The following SMC5 variants were observed in gnomAD, a reference collection of about 807,000 sequenced individuals.
SMC5 encodes structural maintenance of chromosomes 5.
Under a neutral mutation model 148.3 loss-of-function variants are expected in SMC5, and 88 were observed. That is an observed-to-expected ratio of 0.59 (90% confidence interval 0.50 to 0.71). SMC5 has a LOEUF of 0.71. Among genes scored for constraint, SMC5 ranks in the 30% least tolerant of loss-of-function variants. SMC5 has a pLI of 0.00. For missense variants in SMC5, 1,142 were observed against 1,298.9 expected, an observed-to-expected ratio of 0.88 and a Z score of 1.86; for synonymous variants, 421 against 432.8, an observed-to-expected ratio of 0.97 and a Z score of 0.34.
intron 7 of SMC5, among the ~76,000 whole-genome samples, chr9:70,283,674 G>T (rs1483444491): frequency 6.6e-6 from 1 of 152,100 alleles, no homozygotes; most frequent in East Asian, 1.9e-4. Flanking sequence ...TTGAAGATGG[G>T]TGTCAGTGAT....
chr9:70,259,370 T>G, intron 1 of SMC5, 107 bp downstream of exon 1: 1 of 1,217,038 alleles, frequency 8.2e-7, no homozygotes, highest in Non-Finnish European at 1.1e-6. Flanking sequence ...ACCTGGCTTG[T>G]GGGTCTGGCC....
intron 10 of SMC5, among the ~76,000 whole-genome samples, chr9:70,301,931 A>G (rs2035367635): frequency 6.6e-6 from 1 of 152,228 alleles, no homozygotes; most frequent in African/African-American, 2.4e-5. Context: ...CGTCTCCTAT[A>G]TCTACCTATC....
chr9:70,268,591 T>G (rs768351829), intron 3 of SMC5, among the ~76,000 whole-genome samples: 1 of 151,970 alleles, frequency 6.6e-6, no homozygotes, highest in African/African-American at 2.4e-5. Context: ...TTTCACAAAT[T>G]TAAAGTATCT....
Position 70,278,493 on chromosome 9 carries a change from C to G in SMC5, c.546C>G (p.Asp182Glu). The G allele has an allele frequency of 6.2e-7, 1 of 1,602,316 alleles. No individual in the cohort carries two copies. The highest frequency in any genetic ancestry group is 2.2e-5 in the East Asian group (1 of 44,534). Residue 182 changes from aspartate to glutamate, a missense_variant and splice_region_variant, in exon 5 of 25, where the codon GAC becomes GAG. Asp to Glu is a conservative substitution (Grantham distance 45). This residue lies in a region of SMC5 where 297 missense variants were observed against 302.6 expected (regional missense o/e 0.98). Coordinates refer to ENST00000361138, the MANE Select transcript of SMC5 (RefSeq NM_015110.4). The stretch of plus-strand genomic sequence containing the variant: ...GATATTTAATTTTTGTGCTCTAGGA[C>G]AAAGTTGGAGAATTTGCTAAACTCA... ...VGNLCQFLPQDKVGEFAKLSK... is the reference protein window; with the variant it reads ...VGNLCQFLPQEKVGEFAKLSK...
Position 70,281,133 on chromosome 9 carries a change from G to A in SMC5, c.819+234G>A, listed in dbSNP as rs150742834. ...GCTCACTGCAACCTCTGCCTCCTGG[G>A]TTCAAGCGATTCTCCTGCCTCAGCC... is the stretch of plus-strand genomic sequence containing the variant. On this transcript the variant is annotated intron_variant, in intron 6 of 24. Transcript: ENST00000361138. Among the ~76,000 whole-genome samples, 625 of 151,902 alleles carry A rather than the reference G, an allele frequency of 4.1e-3. 2 individuals carry two copies. Among genetic ancestry groups the A allele is most frequent in the African/African-American group, 0.013 (543 of 41,412 alleles).
intron 15 of SMC5, among the ~76,000 whole-genome samples, chr9:70,319,550 T>C (rs182942852): frequency 7.0e-4 from 107 of 152,282 alleles, no homozygotes; most frequent in Admixed American, 1.4e-3. Context: ...CCCATAAATA[T>C]GCAGTTGGAA....
intron 15 of SMC5, 95 bp downstream of exon 15, chr9:70,319,058 G>T: frequency 9.2e-7 from 1 of 1,089,018 alleles, no homozygotes; most frequent in South Asian, 2.5e-5. Flanking sequence ...CCACAAGCAC[G>T]CTTTGTAGTA....
chr9:70,270,780 G>A (rs762154262), intron 3 of SMC5, among the ~76,000 whole-genome samples: 4 of 150,684 alleles, frequency 2.7e-5, no homozygotes, highest in African/African-American at 4.9e-5. Flanking sequence ...CCAAGTAGCT[G>A]GTATTACAAG....
intron 13 of SMC5, among the ~76,000 whole-genome samples, chr9:70,317,753 A>G (rs896208236): frequency 2.0e-5 from 3 of 152,222 alleles, no homozygotes; most frequent in Admixed American, 2.0e-4. Context: ...TATGAAATCC[A>G]TGTATAAATT....
intron 8 of SMC5, among the ~76,000 whole-genome samples, chr9:70,295,473 A>AT: frequency 6.7e-6 from 1 of 149,782 alleles, no homozygotes; most frequent in South Asian, 2.1e-4. Flanking sequence ...CCTGTCTCAA[A>AT]AAAAAAAAAA....
At chr9:70,312,531 T>G (rs1195966183) in intron 11 of SMC5, among the ~76,000 whole-genome samples, 3 of 152,204 alleles carry the variant, frequency 2.0e-5, no homozygotes, top group Non-Finnish European at 4.4e-5. Flanking sequence ...GGAAAGCACT[T>G]AATGTTTCAT....
At chr9:70,273,920 A>C (rs2034516985) in intron 3 of SMC5, among the ~76,000 whole-genome samples, 1 of 152,166 alleles carries the variant, frequency 6.6e-6, no homozygotes, top group African/African-American at 2.4e-5. Context: ...GTGCAAGTTT[A>C]TTAGTTATAT....
intron 4 of SMC5, among the ~76,000 whole-genome samples, chr9:70,278,238 C>T (rs1195605745): frequency 6.6e-6 from 1 of 151,746 alleles, no homozygotes; most frequent in Non-Finnish European, 1.5e-5. Flanking sequence ...TATTCCCAAA[C>T]TTTTATTATA....
intron 4 of SMC5, 80 bp from the exon 5 acceptor site, chr9:70,278,411 G>C: frequency 7.3e-7 from 1 of 1,370,792 alleles, no homozygotes; most frequent in Non-Finnish European, 1.0e-6. Context: ...ACCTTGACAA[G>C]TGTAAGCATT....
chr9:70,290,428 G>A (rs1587648204), intron 8 of SMC5, among the ~76,000 whole-genome samples: 1 of 151,962 alleles, frequency 6.6e-6, no homozygotes, highest in Admixed American at 6.6e-5. Context: ...AAAATTCCAA[G>A]GGTTTTAAGA....
At chr9:70,293,601 A>AT (rs1176871817) in intron 8 of SMC5, among the ~76,000 whole-genome samples, 1 of 152,040 alleles carries the variant, frequency 6.6e-6, no homozygotes, top group African/African-American at 2.4e-5. Context: ...TTATCACTGC[A>AT]TTAGCTGTGC....
At chr9:70,339,672 C>A (rs2036465735) in intron 17 of SMC5, among the ~76,000 whole-genome samples, 1 of 152,154 alleles carries the variant, frequency 6.6e-6, no homozygotes, top group Non-Finnish European at 1.5e-5. Flanking sequence ...ACTATTGCTA[C>A]CACTTGGTTT....
intron 8 of SMC5, among the ~76,000 whole-genome samples, chr9:70,286,477 GT>G (rs2034905180): frequency 6.6e-6 from 1 of 152,140 alleles, no homozygotes; most frequent in African/African-American, 2.4e-5. Flanking sequence ...ACTAGCAGCT[GT>G]GCCTTATGAT....
At chr9:70,311,006 C>A (rs1587677450) in intron 11 of SMC5, 1 of 152,306 alleles carries the variant, frequency 6.6e-6, no homozygotes, top group African/African-American at 2.4e-5. Context: ...CTTTGATCAT[C>A]TATTCAGACC....
Sources: allele counts gnomAD v4.1 joint callset (sites outside exome capture counted in the v4.1 genomes callset), GRCh38; gene constraint gnomAD v4.1.1; regional missense constraint gnomAD v4.1.1; transcripts MANE v1.5; gene names NCBI Gene and HGNC (gene_info 2026-07-23, HGNC 2026-07-21).